The following SEC31A variants were observed in gnomAD, a reference collection of about 807,000 sequenced individuals.
SEC31A encodes SEC31 homolog A, COPII component, also known as protein transport protein Sec31A.
Under a neutral mutation model 151.0 loss-of-function variants are expected in SEC31A, and 70 were observed. The ratio of observed to expected loss-of-function variants is 0.46; its 90% CI spans 0.38 to 0.57. The LOEUF (loss-of-function observed/expected upper bound fraction) is 0.57. Among genes scored for constraint, SEC31A ranks in the 20% least tolerant of loss-of-function variants. SEC31A has a pLI of 0.00. For missense variants in SEC31A, 1,330 were observed against 1,471.2 expected, an observed-to-expected ratio of 0.90 and a Z score of 1.57; for synonymous variants, 475 against 505.9, an observed-to-expected ratio of 0.94 and a Z score of 0.82.
intron 13 of SEC31A, among the ~76,000 whole-genome samples, chr4:82,862,033 C>T (rs139822566): frequency 8.5e-4 from 127 of 150,114 alleles, no homozygotes; most frequent in Non-Finnish European, 1.4e-3. Context: ...CTGCCTTAGC[C>T]GCCCAAGTAG....
At chr4:82,848,198 T>C (rs1730656055) in intron 20 of SEC31A, among the ~76,000 whole-genome samples, 1 of 152,134 alleles carries the variant, frequency 6.6e-6, no homozygotes, top group East Asian at 1.9e-4. Flanking sequence ...AGCCACATTT[T>C]ATGACACCAA....
In SEC31A at chr4:82,851,530, T is replaced by G. The variant is rs1731448509; in HGVS notation, c.2229A>C (p.Gly743=). Residue 743 remains glycine, a synonymous_variant, in exon 19 of 27, where the codon GGA becomes GGC. Coordinates refer to ENST00000395310, the MANE Select transcript of SEC31A (RefSeq NM_001077207.4). ...GACTCATCTTCGCAGCCAAGAGAAC[T>G]CCTACAGTACTAGTGTCCATGGCTT... The part of the protein sequence containing the change: ...LTQAMDTSTV[G]VLLAAKMSQY... The G allele has an allele frequency of 6.2e-7, 1 of 1,613,960 alleles. No individual in the cohort carries two copies. Among genetic ancestry groups the G allele is most frequent in the African/African-American group, 1.3e-5 (1 of 74,932 alleles).
chr4:82,857,765 C>CT lies in SEC31A; in HGVS notation c.1627-2dup. Reference sequence around the variant, plus strand: ...ATTCTTCTTTTTCCTCTTTAATGTGCTAAAGAGATGAAAAAAGCAACAATT... The same window carrying CT: ...ATTCTTCTTTTTCCTCTTTAATGTGCTTAAAGAGATGAAAAAAGCAACAATT... On this transcript the variant is annotated splice_acceptor_variant, in intron 14 of 26. Transcript: ENST00000395310. LOFTEE classifies it high-confidence loss of function. 1 of 1,579,586 alleles carries CT rather than the reference C, an allele frequency of 6.3e-7. No individual in the cohort carries two copies. The highest frequency in any genetic ancestry group is 8.7e-7 in the Non-Finnish European group (1 of 1,152,898).
chr4:82,830,986 A>T (rs1477859501), intron 22 of SEC31A: 2 of 1,184,848 alleles, frequency 1.7e-6, no homozygotes, highest in African/African-American at 3.1e-5. Flanking sequence ...CTGTAGACAA[A>T]ATGTAAAAAT....
chr4:82,900,230 G>A (rs1184997618), intron 1 of SEC31A: 1 of 153,042 alleles, frequency 6.5e-6, no homozygotes, highest in Non-Finnish European at 1.5e-5. Context: ...AGAGCTACAA[G>A]ATAAAGCGCA....
chr4:82,837,894 CAG>C (rs1727817122), intron 22 of SEC31A, among the ~76,000 whole-genome samples: 1 of 152,112 alleles, frequency 6.6e-6, no homozygotes, highest in Non-Finnish European at 1.5e-5. Flanking sequence ...TCAGTGGACT[CAG>C]GGAAAATGTT....
chr4:82,818,834 A>G lies in SEC31A; in HGVS notation c.*240T>C, dbSNP rs1418541550. 8.7e-6 allele frequency: 3 copies of G among 345,630 alleles called. No homozygotes were observed. Among genetic ancestry groups the G allele is most frequent in the Non-Finnish European group, 1.5e-5 (3 of 194,256 alleles). The allele number at this position is 345,630 out of a possible 1,614,324, so 21.4% of individuals were successfully genotyped here. A position where few individuals can be genotyped will look rare whatever the true frequency, so the allele number is the denominator to read the frequency against. On this transcript the variant is annotated 3_prime_UTR_variant, in exon 27 of 27. Transcript: ENST00000395310. ...CAGGAAACCATACTATGTGTAATCC[A>G]GGAAATACACTATTTGCAGAATAGG...
In SEC31A at chr4:82,855,001, C is replaced by T; in HGVS notation, c.1910G>A (p.Trp637Ter). The change falls in exon 17 of 27, where the codon TGG (tryptophan) becomes TAG (stop). Residue 637 changes from tryptophan to a stop codon, truncating the protein, a stop_gained. Coordinates refer to ENST00000395310, the MANE Select transcript of SEC31A (RefSeq NM_001077207.4). LOFTEE classifies it high-confidence loss of function. ...ATCACAAGACTCAACAATCTCTTTC[C>T]AGTTCTTCATCACCACTGCAGTGAT... The part of the protein sequence containing the change: ...RLITAVVMKN[W>*]KEIVESCDLK... The T allele has an allele frequency of 6.2e-7, 1 of 1,613,492 alleles. No homozygotes were observed. Among genetic ancestry groups the T allele is most frequent in the Non-Finnish European group, 8.5e-7 (1 of 1,179,784 alleles).
chr4:82,874,588 T>C, intron 6 of SEC31A, 23 bp downstream of exon 6: 1 of 1,580,702 alleles, frequency 6.3e-7, no homozygotes, highest in Non-Finnish European at 8.6e-7. Context: ...AACATGTTCA[T>C]CACAAGTCAA....
chr4:82,839,995 T>TA (rs36041443), intron 22 of SEC31A, among the ~76,000 whole-genome samples: 38,410 of 152,076 alleles, frequency 0.25, 5,452 homozygotes, highest in East Asian at 0.49. Context: ...GCAATGATGA[T>TA]AGTTTTCTAT....
upstream of SEC31A, chr4:82,894,468 C>T (rs1719976021): frequency 6.6e-6 from 1 of 152,134 alleles, no homozygotes; most frequent in Non-Finnish European, 1.5e-5. Context: ...CTTTTCCAGT[C>T]AAAATTGTGT....
intron 1 of SEC31A, among the ~76,000 whole-genome samples, chr4:82,882,997 G>C (rs776288423): frequency 2.6e-5 from 4 of 152,178 alleles, no homozygotes; most frequent in Admixed American, 6.5e-5. Flanking sequence ...GTGCATGCCT[G>C]TAATCCCAGC....
At chr4:82,838,793 C>T (rs1728037240) in intron 22 of SEC31A, among the ~76,000 whole-genome samples, 1 of 152,048 alleles carries the variant, frequency 6.6e-6, no homozygotes. Flanking sequence ...GAGAATTTAC[C>T]GAATGAATGT....
At chr4:82,855,891 T>C (rs1477697206) in intron 16 of SEC31A, among the ~76,000 whole-genome samples, 2 of 152,044 alleles carry the variant, frequency 1.3e-5, no homozygotes, top group African/African-American at 4.8e-5. Context: ...ATGACACGAG[T>C]TTACTCTTAA....
chr4:82,892,549 CCT>C (rs535460365), upstream of SEC31A, among the ~76,000 whole-genome samples: 150 of 152,346 alleles, frequency 9.8e-4, 1 homozygote, highest in African/African-American at 3.2e-3. Flanking sequence ...TGACCAATTA[CCT>C]CTTTTAATTA....
At chr4:82,898,683 T>G (rs1720163908) in intron 3 of SEC31A, among the ~76,000 whole-genome samples, 1 of 152,216 alleles carries the variant, frequency 6.6e-6, no homozygotes, top group African/African-American at 2.4e-5. Context: ...CTGCAAACTT[T>G]TGAGTCCTTA....
At chr4:82,838,204 T>A (rs943079773) in intron 22 of SEC31A, among the ~76,000 whole-genome samples, 2 of 152,230 alleles carry the variant, frequency 1.3e-5, no homozygotes, top group African/African-American at 4.8e-5. Context: ...AAAATTTTTT[T>A]AAATTTCAGA....
Position 82,863,350 on chromosome 4 carries a change from G to A in SEC31A, c.1477C>T (p.Leu493=), listed in dbSNP as rs758201610. ...CCTAGATCTTCTTTTCTGTATCCTA[G>A]AAGTTCAAGGTATTTTCCACGAGAA... ...DDSRGKYLEL[L]GYRKEDLGKK... Residue 493 remains leucine (L), a synonymous_variant, in exon 12 of 27, where the codon CTA becomes TTA. Coordinates refer to ENST00000395310, the MANE Select transcript of SEC31A (RefSeq NM_001077207.4). 3 of 1,581,976 alleles carry A rather than the reference G, an allele frequency of 1.9e-6. No homozygotes were observed. The highest frequency in any genetic ancestry group is 2.4e-5 in the South Asian group (2 of 84,866).
At position 82,827,467 on chromosome 4, in the gene SEC31A, C is replaced by T; in HGVS notation, c.3193G>A (p.Gly1065Ser). 1 of 1,614,126 alleles carries T rather than the reference C, an allele frequency of 6.2e-7. No individual in the cohort carries two copies. Among genetic ancestry groups the T allele is most frequent in the Non-Finnish European group, 8.5e-7 (1 of 1,180,036 alleles). Residue 1065 changes from glycine (G) to serine (S), a missense_variant, in exon 24 of 27, where the codon GGC becomes AGC. Physicochemically the swap from Gly to Ser is moderately conservative, Grantham distance 56 (BLOSUM62 0). Transcript: ENST00000395310. ...GTTTGACCAAGAGGTTGCTGTACGCCATGGAAGGGCTGGCCACCTGGAAGA... is the reference window on the plus strand; with the variant it reads ...GTTTGACCAAGAGGTTGCTGTACGCTATGGAAGGGCTGGCCACCTGGAAGA... The part of the protein sequence containing the change: ...PHLPGGQPFH[G>S]VQQPLGQTGM...
Sources: allele counts gnomAD v4.1 joint callset (sites outside exome capture counted in the v4.1 genomes callset), GRCh38; gene constraint gnomAD v4.1.1; transcripts MANE v1.5; gene names NCBI Gene and HGNC (gene_info 2026-07-23, HGNC 2026-07-21).